DSCAM: variants seen among roughly 807,000 people sequenced by gnomAD.
DSCAM encodes DS cell adhesion molecule, also known as cell adhesion molecule DSCAM.
In DSCAM, 47 loss-of-function variants were observed where a neutral mutation model predicts 217.7. The ratio of observed to expected loss-of-function variants is 0.22; its 90% CI spans 0.17 to 0.28. The LOEUF (loss-of-function observed/expected upper bound fraction) is 0.28, where lower values mean the gene tolerates loss of function less well. DSCAM is among the 10% of genes least tolerant of loss of function. The pLI is 1.00. For missense variants in DSCAM, 2,080 were observed against 2,618.3 expected (o/e 0.79, Z 4.49); for synonymous variants, 1,056 against 1,015.3 (o/e 1.04, Z -0.76).
intron 11 of DSCAM, among the ~76,000 whole-genome samples, chr21:40,261,291 C>T (rs537434610): frequency 7.2e-5 from 11 of 152,292 alleles, no homozygotes; most frequent in African/African-American, 9.6e-5. Context: ...ATCTTGCCCA[C>T]ATATTTGGTC....
intron 27 of DSCAM, among the ~76,000 whole-genome samples, chr21:40,070,736 G>A (rs1568924918): frequency 6.6e-6 from 1 of 152,092 alleles, no homozygotes; most frequent in Non-Finnish European, 1.5e-5. Flanking sequence ...GGGGAGCTTT[G>A]GGCTCATTTG....
At chr21:40,172,957 A>G (rs543342252) in intron 15 of DSCAM, among the ~76,000 whole-genome samples, 1 of 152,320 alleles carries the variant, frequency 6.6e-6, no homozygotes, top group East Asian at 1.9e-4. Context: ...AAAATACGAC[A>G]AAGAATAGCT....
chr21:40,620,316 AAGAG>A (rs1179547315), intron 3 of DSCAM, among the ~76,000 whole-genome samples: 13 of 128,486 alleles, frequency 1.0e-4, no homozygotes, highest in African/African-American at 3.0e-4. Flanking sequence ...GAGAGAGAGA[AAGAG>A]AGAGAAAAAA....
chr21:40,345,808 T>C (rs1204483733), intron 6 of DSCAM, among the ~76,000 whole-genome samples: 2 of 152,178 alleles, frequency 1.3e-5, no homozygotes, highest in East Asian at 3.8e-4. Flanking sequence ...ATTAGCACTG[T>C]CATCTCTCAG....
intron 5 of DSCAM, among the ~76,000 whole-genome samples, chr21:40,353,087 T>C (rs991066450): frequency 3.3e-5 from 5 of 152,354 alleles, no homozygotes. Flanking sequence ...CCATCACTTG[T>C]GCTGAAAGAA....
intron 14 of DSCAM, 59 bp downstream of exon 14, chr21:40,187,072 G>C (rs908538448): frequency 1.3e-6 from 2 of 1,598,718 alleles, no homozygotes. Flanking sequence ...CATTAATAAG[G>C]AGAAAAATAA....
At chr21:40,755,804 C>CA (rs1171595689) in intron 1 of DSCAM, among the ~76,000 whole-genome samples, 2 of 152,016 alleles carry the variant, frequency 1.3e-5, no homozygotes, top group Non-Finnish European at 2.9e-5. Flanking sequence ...AGACTATTTG[C>CA]AAAAAATGGC....
chr21:40,628,087 C>A (rs1219862860), intron 3 of DSCAM, among the ~76,000 whole-genome samples: 1 of 152,164 alleles, frequency 6.6e-6, no homozygotes, highest in African/African-American at 2.4e-5. Flanking sequence ...ACAATGAAAC[C>A]ACAAATAATT....
intron 11 of DSCAM, among the ~76,000 whole-genome samples, chr21:40,195,543 T>C (rs996325469): frequency 6.6e-6 from 1 of 152,194 alleles, no homozygotes; most frequent in Non-Finnish European, 1.5e-5. Flanking sequence ...ATCATCGTCA[T>C]GATCACCCCA....
At chr21:40,363,441 T>C (rs987136174) in intron 4 of DSCAM, among the ~76,000 whole-genome samples, 2 of 151,892 alleles carry the variant, frequency 1.3e-5, no homozygotes, top group East Asian at 3.9e-4. Context: ...TTAGTAGAGA[T>C]GGGGTTTCAT....
intron 3 of DSCAM, among the ~76,000 whole-genome samples, chr21:40,377,141 G>A (rs553105711): frequency 2.6e-5 from 4 of 152,166 alleles, no homozygotes; most frequent in South Asian, 2.1e-4. Flanking sequence ...CACTGCTTTC[G>A]GCATTATTTA....
At chr21:40,515,169 G>A (rs1304506172) in intron 3 of DSCAM, among the ~76,000 whole-genome samples, 1 of 152,120 alleles carries the variant, frequency 6.6e-6, no homozygotes, top group Non-Finnish European at 1.5e-5. Context: ...CAAAAAGACT[G>A]CGAATTCATT....
At chr21:40,275,854 AG>A (rs754628121) in intron 11 of DSCAM, among the ~76,000 whole-genome samples, 1 of 152,210 alleles carries the variant, frequency 6.6e-6, no homozygotes, top group East Asian at 1.9e-4. Flanking sequence ...AAGGAAGAGA[AG>A]AATGTGGCTC....
intron 10 of DSCAM, among the ~76,000 whole-genome samples, chr21:40,281,681 T>C (rs985762390): frequency 6.6e-6 from 1 of 152,246 alleles, no homozygotes; most frequent in African/African-American, 2.4e-5. Flanking sequence ...ATCAATGCTA[T>C]ACATCACTAT....
chr21:40,528,508 T>G (rs1373376694), intron 3 of DSCAM, among the ~76,000 whole-genome samples: 1 of 152,214 alleles, frequency 6.6e-6, no homozygotes, highest in African/African-American at 2.4e-5. Context: ...TTCCTTCCAG[T>G]AAATACTGGA....
intron 8 of DSCAM, among the ~76,000 whole-genome samples, chr21:40,325,415 A>G (rs139762413): frequency 3.6e-4 from 55 of 152,320 alleles, no homozygotes; most frequent in African/African-American, 1.2e-3. Flanking sequence ...AAAAATAGAG[A>G]CATAGAACAA....
intron 3 of DSCAM, among the ~76,000 whole-genome samples, chr21:40,577,851 C>T (rs995242264): frequency 1.1e-4 from 16 of 152,200 alleles, no homozygotes; most frequent in African/African-American, 3.4e-4. Context: ...ATCAATCAGA[C>T]GAAATCCTGG....
intron 2 of DSCAM, among the ~76,000 whole-genome samples, chr21:40,704,550 C>T (rs371478350): frequency 4.0e-5 from 6 of 150,888 alleles, no homozygotes; most frequent in Non-Finnish European, 8.8e-5. Flanking sequence ...ATACCCTCTA[C>T]AAAATTTTTT....
intron 1 of DSCAM, among the ~76,000 whole-genome samples, chr21:40,804,016 A>C (rs1239216361): frequency 1.3e-5 from 2 of 152,132 alleles, no homozygotes; most frequent in East Asian, 3.9e-4. Flanking sequence ...TAATAAAGAA[A>C]GGGGGGAAAT....
Sources: allele counts gnomAD v4.1 joint callset (sites outside exome capture counted in the v4.1 genomes callset), GRCh38; gene constraint gnomAD v4.1.1; transcripts MANE v1.5; gene names NCBI Gene and HGNC (gene_info 2026-07-23, HGNC 2026-07-21).